Variants in KAZN observed in about 807,000 individuals in gnomAD.
KAZN encodes kazrin, periplakin interacting protein, also known as kazrin.
Under a neutral mutation model 87.4 loss-of-function variants are expected in KAZN, and 40 were observed. The ratio of observed to expected loss-of-function variants is 0.46; its 90% CI spans 0.36 to 0.60. The LOEUF is 0.60. Among genes scored for constraint, KAZN ranks in the 20% least tolerant of loss-of-function variants. KAZN has a pLI of 0.00. For synonymous variants in KAZN, 466 were observed against 458.3 expected (o/e 1.02, Z -0.22); for missense variants, 898 against 1,073.9 (o/e 0.84, Z 2.29).
At chr1:14,546,523 C>A (rs1467052489) in intron 2 of KAZN, among the ~76,000 whole-genome samples, 1 of 151,790 alleles carries the variant, frequency 6.6e-6, no homozygotes, top group African/African-American at 2.4e-5. Context: ...AAATGTTTCT[C>A]GGTGATTTAC....
At chr1:15,075,663 C>T (rs569596020) in intron 8 of KAZN, among the ~76,000 whole-genome samples, 3 of 152,254 alleles carry the variant, frequency 2.0e-5, no homozygotes, top group Non-Finnish European at 4.4e-5. Flanking sequence ...GTGACAGACA[C>T]CAGGTCAGGT....
At chr1:14,361,355 C>T (rs1181264158) in intron 2 of KAZN, among the ~76,000 whole-genome samples, 1 of 152,238 alleles carries the variant, frequency 6.6e-6, no homozygotes, top group Admixed American at 6.5e-5. Context: ...GCCAGTGGAT[C>T]TTAGCTTGCT....
chr1:14,963,075 C>A (rs1572932979), intron 2 of KAZN, among the ~76,000 whole-genome samples: 1 of 150,768 alleles, frequency 6.6e-6, no homozygotes, highest in East Asian at 1.9e-4. Context: ...TGTACATCCT[C>A]CTCCCTTTAG....
intron 1 of KAZN, among the ~76,000 whole-genome samples, chr1:14,805,436 G>C (rs1359752340): frequency 6.6e-6 from 1 of 152,118 alleles, no homozygotes. Flanking sequence ...GCTGCACTTA[G>C]CTACAAAGGA....
At chr1:14,899,676 C>T (rs1557601325) in intron 1 of KAZN, among the ~76,000 whole-genome samples, 1 of 152,140 alleles carries the variant, frequency 6.6e-6, no homozygotes, top group African/African-American at 2.4e-5. Context: ...TGTCCATTCC[C>T]CTCCCCAGGT....
At chr1:13,968,660 C>T (rs534829515) in intron 1 of KAZN, among the ~76,000 whole-genome samples, 18 of 152,328 alleles carry the variant, frequency 1.2e-4, no homozygotes, top group African/African-American at 4.3e-4. Context: ...TTTCACGTGA[C>T]CTTTCAGCAG....
At chr1:14,008,269 C>T (rs1345260005) in intron 1 of KAZN, among the ~76,000 whole-genome samples, 1 of 152,112 alleles carries the variant, frequency 6.6e-6, no homozygotes, top group African/African-American at 2.4e-5. Context: ...TGCAATAGTA[C>T]CCTTAGCTTC....
intron 1 of KAZN, among the ~76,000 whole-genome samples, chr1:14,060,581 G>T (rs1642756582): frequency 6.6e-6 from 1 of 152,134 alleles, no homozygotes; most frequent in Non-Finnish European, 1.5e-5. Context: ...TGAGGGCAGG[G>T]ACAATGTCCC....
chr1:15,101,663 T>C lies in KAZN; in HGVS notation c.1668T>C (p.Asn556=), dbSNP rs1444115586. The change falls in exon 11 of 15, where the codon AAT becomes AAC. Residue 556 remains asparagine (N), a synonymous_variant. Transcript: ENST00000376030. Reference sequence around the variant, plus strand: ...ACCTGGTTGATGGGCGGATGCTGAATTCCCTGATGAAGCGAGACCTGGAGA... The same window carrying C: ...ACCTGGTTGATGGGCGGATGCTGAACTCCCTGATGAAGCGAGACCTGGAGA... The part of the protein sequence containing the change: ...QNHLVDGRML[N]SLMKRDLEKH... The C allele has an allele frequency of 4.4e-6, 7 of 1,586,432 alleles. No homozygotes were observed. Among genetic ancestry groups the C allele is most frequent in the Non-Finnish European group, 6.0e-6 (7 of 1,166,022 alleles).
intron 1 of KAZN, among the ~76,000 whole-genome samples, chr1:14,725,723 A>G (rs1181870590): frequency 6.6e-6 from 1 of 152,088 alleles, no homozygotes; most frequent in Non-Finnish European, 1.5e-5. Context: ...TTTCCCCAAT[A>G]CAGTCAACCT....
intron 2 of KAZN, among the ~76,000 whole-genome samples, chr1:14,245,526 T>C (rs146296383): frequency 3.5e-4 from 54 of 152,152 alleles, no homozygotes; most frequent in Admixed American, 1.1e-3. Context: ...TTCACCGTGA[T>C]AAAAAAAATC....
At chr1:14,490,237 TG>T (rs797019964) in intron 2 of KAZN, among the ~76,000 whole-genome samples, 47 of 152,366 alleles carry the variant, frequency 3.1e-4, no homozygotes, top group African/African-American at 1.1e-3. Context: ...TCCTTCTTTT[TG>T]ATCTTTGAGA....
intron 1 of KAZN, among the ~76,000 whole-genome samples, chr1:14,146,263 G>A (rs1368745194): frequency 2.2e-4 from 34 of 151,660 alleles, no homozygotes; most frequent in Non-Finnish European, 3.2e-4. Context: ...GGCCAGGCAC[G>A]GTGGCTCATG....
At chr1:14,377,737 C>T (rs1349325366) in intron 2 of KAZN, among the ~76,000 whole-genome samples, 1 of 152,162 alleles carries the variant, frequency 6.6e-6, no homozygotes, top group Non-Finnish European at 1.5e-5. Context: ...AGGTGAGGTC[C>T]CAGGCATATA....
chr1:14,854,487 C>A (rs1649839773), intron 1 of KAZN, among the ~76,000 whole-genome samples: 2 of 152,140 alleles, frequency 1.3e-5, no homozygotes. Flanking sequence ...GTGAGGACTT[C>A]TTGCAGTGTC....
chr1:14,583,436 C>G (rs535199083), intron 2 of KAZN, among the ~76,000 whole-genome samples: 1 of 152,156 alleles, frequency 6.6e-6, no homozygotes, highest in African/African-American at 2.4e-5. Flanking sequence ...AGGAGATGCA[C>G]GTGTAGGAGT....
chr1:14,827,481 T>C (rs376108292), intron 1 of KAZN, among the ~76,000 whole-genome samples: 202 of 152,282 alleles, frequency 1.3e-3, no homozygotes, highest in African/African-American at 4.4e-3. Flanking sequence ...TAGCTTAGCC[T>C]CCACTTATGA....
At chr1:15,069,622 G>A (rs1045177265) in intron 8 of KAZN, among the ~76,000 whole-genome samples, 1 of 152,208 alleles carries the variant, frequency 6.6e-6, no homozygotes, top group Non-Finnish European at 1.5e-5. Flanking sequence ...GCGAGACTCT[G>A]TCTCAAAAAA....
At chr1:14,094,902 G>A (rs1644092249) in intron 1 of KAZN, among the ~76,000 whole-genome samples, 2 of 152,188 alleles carry the variant, frequency 1.3e-5, no homozygotes, top group Admixed American at 1.3e-4. Context: ...GCAGATTAAT[G>A]TTTCTGCAAG....
Sources: gnomAD v4.1 joint callset for allele counts (sites outside exome capture counted in the v4.1 genomes callset) on GRCh38, gnomAD v4.1.1 for gene constraint, MANE v1.5 for transcripts, NCBI Gene and HGNC (gene_info 2026-07-23, HGNC 2026-07-21) for gene names.